The following KIF1A variants were observed in gnomAD, a reference collection of about 807,000 sequenced individuals.
KIF1A encodes the protein kinesin family member 1A.
In KIF1A, 46 loss-of-function variants were observed where a neutral mutation model predicts 227.3. The observed-to-expected ratio is 0.20, with a 90% confidence interval of 0.16 to 0.26. The LOEUF is 0.26. KIF1A is among the 10% of genes least tolerant of loss of function. The probability of loss-of-function intolerance (pLI) is 1.00; values close to 1 mark genes in which losing one functional copy is unlikely to be tolerated. For synonymous variants in KIF1A, 1,022 were observed against 1,012.8 expected (o/e 1.01, Z -0.17); for missense variants, 1,683 against 2,485.9 (o/e 0.68, Z 6.87).
intron 38 of KIF1A, among the ~76,000 whole-genome samples, chr2:240,733,639 C>T (rs931632936): frequency 7.9e-5 from 12 of 152,204 alleles, no homozygotes; most frequent in African/African-American, 2.7e-4. Flanking sequence ...TGTCAATCAT[C>T]TGTCCTGACC....
At chr2:240,737,832 AC>A (rs2047522612) in intron 37 of KIF1A, among the ~76,000 whole-genome samples, 1 of 152,186 alleles carries the variant, frequency 6.6e-6, no homozygotes, top group Non-Finnish European at 1.5e-5. Flanking sequence ...GTAAACAAAC[AC>A]ATGTACATTT....
Position 240,801,156 on chromosome 2 carries a change from G to GA in KIF1A, c.-60-3345dup, listed in dbSNP as rs199800959. Among the ~76,000 whole-genome samples, 11 of 149,510 alleles carry GA rather than the reference G, an allele frequency of 7.4e-5. No homozygotes were observed. The South Asian group carries it at 1.9e-3, about 26-fold the overall frequency. ...GGAAAAATAAAATATAAACACATGA[G>GA]AAAAAAAAAGACACATATCTAAACA... On this transcript the variant is annotated intron_variant, in intron 1 of 48. Transcript: ENST00000498729.
chr2:240,758,049 G>C lies in KIF1A; in HGVS notation c.2582+311C>G, dbSNP rs1472169302. Among the ~76,000 whole-genome samples, 1 of 152,222 alleles carries C rather than the reference G, an allele frequency of 6.6e-6. No homozygotes were observed. Among genetic ancestry groups the C allele is most frequent in the Non-Finnish European group, 1.5e-5 (1 of 68,048 alleles). ...ACCCTCAGGACCAACAGGTGACCTG[G>C]AAAGTTTGCTTGGGAGCCTCACATA... On this transcript the variant is annotated intron_variant, in intron 26 of 48. Transcript: ENST00000498729. This position sits in a 1 kb window ranked among gnomAD's most constrained non-coding sequence, Gnocchi z 5.2.
intron 48 of KIF1A, among the ~76,000 whole-genome samples, 180 bp downstream of exon 48, chr2:240,717,870 C>T (rs1306179429): frequency 2.0e-5 from 3 of 152,084 alleles, no homozygotes; most frequent in Non-Finnish European, 1.5e-5. Context: ...GGACCCCTGG[C>T]AGAGCAACCG....
At chr2:240,779,541 C>T (rs1167499476) in intron 10 of KIF1A, among the ~76,000 whole-genome samples, 3 of 151,760 alleles carry the variant, frequency 2.0e-5, no homozygotes, top group Non-Finnish European at 4.4e-5. Flanking sequence ...CACTCAGTTC[C>T]TCATAGTTCC....
chr2:240,770,015 T>G (rs949207379), intron 15 of KIF1A, among the ~76,000 whole-genome samples: 1 of 152,182 alleles, frequency 6.6e-6, no homozygotes, highest in African/African-American at 2.4e-5. Flanking sequence ...GAGGCCCAGG[T>G]GCTCAGCCCT....
chr2:240,774,293 G>C, intron 11 of KIF1A, 32 bp from the exon 12 acceptor site: 5 of 1,464,400 alleles, frequency 3.4e-6, no homozygotes, highest in Non-Finnish European at 4.8e-6. Flanking sequence ...GTGCCCAGAG[G>C]GGGATCTAGG....
In KIF1A at chr2:240,719,888, G is replaced by T. The variant is rs2045080893; in HGVS notation, c.4907C>A (p.Pro1636His). 3 of 1,611,546 alleles carry T rather than the reference G, an allele frequency of 1.9e-6. No homozygotes were observed. The highest frequency in any genetic ancestry group is 1.1e-5 in the South Asian group (1 of 90,974). ...QPCSRPASPE[P>H]ELLPEADSKK... ...GGAGTCGGCCTCTGGCAGCAGCTCG[G>T]GCTCTGGGCTGGCTGGCCGGGAGCA... Residue 1636 changes from proline to histidine, a missense_variant, in exon 46 of 49, where the codon CCC (proline) becomes CAC (histidine). Transcript: ENST00000498729.
rs746657415 is a variant in KIF1A, at chr2:240,789,727, G to T, written c.107-415C>A. On this transcript the variant is annotated intron_variant, in intron 2 of 48. Transcript: ENST00000498729. This position sits in a 1 kb window ranked among gnomAD's most constrained non-coding sequence, Gnocchi z 4.8. ...CTTTATGCTCCGGCTCAGCGTGCAC[G>T]TGCCCGAGAAGCGCTGGAAGCCTGG... 6.6e-6 allele frequency among the ~76,000 whole-genome samples: 1 copy of T among 152,096 alleles called. No homozygotes were observed. Among genetic ancestry groups the T allele is most frequent in the African/African-American group, 2.4e-5 (1 of 41,420 alleles).
intron 1 of KIF1A, among the ~76,000 whole-genome samples, chr2:240,802,314 C>T (rs1304569187): frequency 6.6e-6 from 1 of 151,962 alleles, no homozygotes; most frequent in African/African-American, 2.4e-5. Flanking sequence ...GTATAACTAA[C>T]AAGTTAATAG....
intron 48 of KIF1A, 30 bp downstream of exon 48, chr2:240,718,020 G>A (rs761607623): frequency 2.5e-5 from 37 of 1,461,678 alleles, no homozygotes; most frequent in South Asian, 1.6e-4. Flanking sequence ...GACCCCCATG[G>A]CAGCAACCTC....
Position 240,775,535 on chromosome 2 carries a change from C to A in KIF1A, c.958+316G>T, listed in dbSNP as rs1418140783. ...CCCGTGACTGATGGGGAAACCAAGG[C>A]CCAGAGAAGGATGAGTACTTGGCCT... On this transcript the variant is annotated intron_variant, in intron 11 of 48. Transcript: ENST00000498729. This position sits in a 1 kb window ranked among gnomAD's most constrained non-coding sequence, Gnocchi z 5.5. Among the ~76,000 whole-genome samples, 3 of 152,182 alleles carry A rather than the reference C, an allele frequency of 2.0e-5. No individual in the cohort carries two copies. Among genetic ancestry groups the A allele is most frequent in the African/African-American group, 7.2e-5 (3 of 41,432 alleles).
intron 35 of KIF1A, among the ~76,000 whole-genome samples, 182 bp downstream of exon 35, chr2:240,741,087 C>T (rs940843817): frequency 6.6e-5 from 10 of 152,164 alleles, no homozygotes; most frequent in African/African-American, 2.2e-4. Flanking sequence ...TCCTCCAGGA[C>T]TTTGTCTGCT....
intron 32 of KIF1A, among the ~76,000 whole-genome samples, chr2:240,745,222 C>A (rs1185570071): frequency 6.6e-6 from 1 of 152,120 alleles, no homozygotes; most frequent in African/African-American, 2.4e-5. Context: ...CTCTGAGCGG[C>A]CCCCATGCCC....
intron 1 of KIF1A, among the ~76,000 whole-genome samples, chr2:240,807,454 T>C (rs2057530584): frequency 6.6e-6 from 1 of 152,182 alleles, no homozygotes; most frequent in Non-Finnish European, 1.5e-5. Context: ...CTTCCATATA[T>C]TTTAAATCAT....
intron 46 of KIF1A, 80 bp downstream of exon 46, chr2:240,719,694 A>G (rs2045052235): frequency 2.9e-6 from 4 of 1,393,492 alleles, no homozygotes; most frequent in African/African-American, 1.5e-5. Context: ...CTGTGCCCCC[A>G]GTATGGGGAG....
rs553706061 is a variant in KIF1A, at chr2:240,789,513, C to G, written c.107-201G>C. Among the ~76,000 whole-genome samples, 5 of 152,300 alleles carry G rather than the reference C, an allele frequency of 3.3e-5. No individual in the cohort carries two copies. The highest frequency in any genetic ancestry group is 9.6e-5 in the African/African-American group (4 of 41,564). ...CCTCCTTATGGTGGACGCTGCCACC[C>G]ATGGATGTCCAAGGGTACCACCATA... On this transcript the variant is annotated intron_variant, in intron 2 of 48. Transcript: ENST00000498729. This position sits in a 1 kb window ranked among gnomAD's most constrained non-coding sequence, Gnocchi z 4.8.
chr2:240,761,084 C>G (rs1267418669), intron 24 of KIF1A, 145 bp downstream of exon 24: 12 of 1,072,708 alleles, frequency 1.1e-5, no homozygotes, highest in Non-Finnish European at 1.5e-5. Flanking sequence ...GCCCACCCTT[C>G]TGGGGGGCCA....
chr2:240,808,736 CTT>C (rs199928318), intron 1 of KIF1A, among the ~76,000 whole-genome samples: 1 of 147,800 alleles, frequency 6.8e-6, no homozygotes, highest in Non-Finnish European at 1.5e-5. Context: ...ATGTCACTAA[CTT>C]TTTTTTTTTG....
Sources: gnomAD v4.1 joint callset for allele counts (sites outside exome capture counted in the v4.1 genomes callset) on GRCh38, gnomAD v4.1.1 for gene constraint, Gnocchi (gnomAD v3.1) non-coding constraint, MANE v1.5 for transcripts, NCBI Gene and HGNC (gene_info 2026-07-23, HGNC 2026-07-21) for gene names.